The following MYO5A variants were observed in gnomAD, a reference collection of about 807,000 sequenced individuals.
MYO5A encodes myosin VA.
In MYO5A, 98 loss-of-function variants were observed where a neutral mutation model predicts 249.7. The ratio of observed to expected loss-of-function variants is 0.39; its 90% CI spans 0.33 to 0.46. The LOEUF (loss-of-function observed/expected upper bound fraction) is 0.46, where lower values mean the gene tolerates loss of function less well. Among genes scored for constraint, MYO5A ranks in the 20% least tolerant of loss-of-function variants. The pLI, the probability that MYO5A is intolerant of heterozygous loss-of-function variation, is 0.98. For missense variants in MYO5A, 1,696 were observed against 2,308.8 expected (o/e 0.73, Z 5.44); for synonymous variants, 778 against 810.6 (o/e 0.96, Z 0.68).
At chr15:52,399,008 TTAAAA>T (rs2042617426) in intron 9 of MYO5A, among the ~76,000 whole-genome samples, 1 of 151,240 alleles carries the variant, frequency 6.6e-6, no homozygotes, top group African/African-American at 2.4e-5. Context: ...AATTTTTTTC[TTAAAA>T]TTAAAAAAAA....
chr15:52,459,516 CAGA>C (rs904825429), intron 1 of MYO5A, among the ~76,000 whole-genome samples: 33 of 152,162 alleles, frequency 2.2e-4, no homozygotes, highest in Admixed American at 6.5e-4. Flanking sequence ...CATCCCAAGG[CAGA>C]AGAATTTTTC....
chr15:52,498,754 ATGT>A (rs935508630), intron 1 of MYO5A, among the ~76,000 whole-genome samples: 4 of 152,182 alleles, frequency 2.6e-5, no homozygotes, highest in African/African-American at 9.7e-5. Flanking sequence ...CCTTTTGAAC[ATGT>A]TGTTGTTGTA....
chr15:52,365,236 C>T (rs1466624950), intron 23 of MYO5A, among the ~76,000 whole-genome samples: 1 of 152,198 alleles, frequency 6.6e-6, no homozygotes, highest in African/African-American at 2.4e-5. Flanking sequence ...CCCTGCTGTC[C>T]TATTACTTCC....
chr15:52,315,643 G>A (rs778339296), intron 40 of MYO5A, among the ~76,000 whole-genome samples: 15 of 151,368 alleles, frequency 9.9e-5, no homozygotes, highest in Non-Finnish European at 2.1e-4. Context: ...CAAAGTGCTG[G>A]GATTACAGGT....
chr15:52,524,771 G>A (rs1595846971), intron 1 of MYO5A, among the ~76,000 whole-genome samples: 2 of 152,034 alleles, frequency 1.3e-5, no homozygotes, highest in South Asian at 4.2e-4. Context: ...ACGAGGCTGA[G>A]GTGGGAGGAC....
At chr15:52,449,094 G>C (rs1175418161) in intron 1 of MYO5A, among the ~76,000 whole-genome samples, 3 of 148,566 alleles carry the variant, frequency 2.0e-5, no homozygotes, top group Admixed American at 6.8e-5. Context: ...TCAGCCTCCT[G>C]AGTACCTTGG....
At chr15:52,337,048 T>C (rs1034951323) in intron 33 of MYO5A, among the ~76,000 whole-genome samples, 20 of 152,132 alleles carry the variant, frequency 1.3e-4, no homozygotes, top group Non-Finnish European at 4.4e-5. Flanking sequence ...TTAAGAATAG[T>C]TCAGAAGTTT....
intron 1 of MYO5A, among the ~76,000 whole-genome samples, chr15:52,521,912 A>G (rs1459477443): frequency 2.0e-5 from 3 of 152,252 alleles, no homozygotes; most frequent in African/African-American, 7.2e-5. Flanking sequence ...AGGGCATTTC[A>G]GAAGGCATCA....
intron 1 of MYO5A, among the ~76,000 whole-genome samples, chr15:52,506,307 C>T (rs1367514495): frequency 6.6e-6 from 1 of 151,998 alleles, no homozygotes. Context: ...GCCAAGACTG[C>T]GCCGCTGCAC....
chr15:52,522,015 C>T (rs558471109), intron 1 of MYO5A, among the ~76,000 whole-genome samples: 2 of 152,332 alleles, frequency 1.3e-5, no homozygotes, highest in East Asian at 3.9e-4. Context: ...CCACTTCCGC[C>T]TCCCACTGAA....
chr15:52,379,603 C>T (rs188435792), intron 18 of MYO5A, 22 bp downstream of exon 18: 19 of 1,602,684 alleles, frequency 1.2e-5, no homozygotes, highest in African/African-American at 2.7e-5. Context: ...GCTCAGATGA[C>T]GGTAAGCGAA....
chr15:52,380,234 A>C (rs7172291), intron 16 of MYO5A, among the ~76,000 whole-genome samples: 104,296 of 152,054 alleles, frequency 0.69, 37,134 homozygotes, highest in Admixed American at 0.76. Context: ...TCAGGAGTTC[A>C]AGACCAGTCT....
At chr15:52,430,274 G>C (rs1292419157) in intron 2 of MYO5A, among the ~76,000 whole-genome samples, 2 of 152,196 alleles carry the variant, frequency 1.3e-5, no homozygotes, top group Non-Finnish European at 2.9e-5. Context: ...GGAGACTCCA[G>C]AATGGCAGAA....
intron 40 of MYO5A, 125 bp from the exon 41 acceptor site, chr15:52,314,328 C>T (rs1306244381): frequency 1.4e-6 from 1 of 728,456 alleles, no homozygotes; most frequent in Non-Finnish European, 2.5e-6. Context: ...TGGGCTGGGA[C>T]CAGAAGGAAG....
intron 25 of MYO5A, among the ~76,000 whole-genome samples, chr15:52,357,708 T>C (rs1472763756): frequency 6.6e-6 from 1 of 152,186 alleles, no homozygotes; most frequent in Admixed American, 6.6e-5. Flanking sequence ...AAAGAGATGC[T>C]ATCAAATTAA....
intron 38 of MYO5A, among the ~76,000 whole-genome samples, chr15:52,320,491 T>TA (rs2038247314): frequency 6.6e-6 from 1 of 152,286 alleles, no homozygotes; most frequent in African/African-American, 2.4e-5. Flanking sequence ...TGTTACCTCC[T>TA]AAATTTTTGC....
chr15:52,378,106 T>G (rs151013934), intron 18 of MYO5A, among the ~76,000 whole-genome samples: 1 of 152,226 alleles, frequency 6.6e-6, no homozygotes, highest in Non-Finnish European at 1.5e-5. Context: ...TCTTTCAGCC[T>G]CCTCTGCCTA....
At chr15:52,368,142 G>A (rs2040907275) in intron 22 of MYO5A, among the ~76,000 whole-genome samples, 1 of 152,158 alleles carries the variant, frequency 6.6e-6, no homozygotes, top group Non-Finnish European at 1.5e-5. Flanking sequence ...CAAATCTCTT[G>A]TCATGTCAGG....
rs9282794 is a variant in MYO5A, at chr15:52,375,610, T to C, written c.2421-150A>G. On this transcript the variant is annotated intron_variant, in intron 19 of 41. Coordinates refer to ENST00000399233, the MANE Select transcript of MYO5A (RefSeq NM_001382347.1). ...AATGTGCATGCTAAGTCAACATTTA[T>C]ATTTACTTACATTTGTATAGCAATT... 16 of 898,848 alleles carry C rather than the reference T, an allele frequency of 1.8e-5. No individual in the cohort carries two copies. The South Asian group carries it at 2.0e-4, about 11-fold the overall frequency. 55.7% of individuals were successfully genotyped at this position (898,848 alleles called of 1,614,324 possible).
Sources: allele counts gnomAD v4.1 joint callset (sites outside exome capture counted in the v4.1 genomes callset), GRCh38; gene constraint gnomAD v4.1.1; transcripts MANE v1.5; gene names NCBI Gene and HGNC (gene_info 2026-07-23, HGNC 2026-07-21).